HAAO: variants seen among roughly 807,000 people sequenced by gnomAD.
HAAO encodes 3-hydroxyanthranilate oxygenase.
Under a neutral mutation model 46.2 loss-of-function variants are expected in HAAO, and 49 were observed. That is an observed-to-expected ratio of 1.06 (90% CI 0.84 to 1.34). The LOEUF is 1.34. HAAO is among the 40% of genes most tolerant of loss of function. The pLI, the probability that HAAO is intolerant of heterozygous loss-of-function variation, is 0.00. For synonymous variants in HAAO, 157 were observed against 145.2 expected, an observed-to-expected ratio of 1.08 and a Z score of -0.58; for missense variants, 408 against 364.5, an observed-to-expected ratio of 1.12 and a Z score of -0.97.
Position 42,790,550 on chromosome 2 carries a change from T to TCCC in HAAO, c.80+1906_80+1907insGGG, listed in dbSNP as rs879728283. Among the ~76,000 whole-genome samples the TCCC allele has an allele frequency of 2.3e-3, 337 of 148,682 alleles. 2 individuals are homozygous for TCCC. Among genetic ancestry groups the TCCC allele is most frequent in the African/African-American group, 7.8e-3 (316 of 40,350 alleles). ...AAAGTTTGTTTTTTTTTTTTTTTTTTCAGATAGAGTCTTGCTTGCCACCCA... is the reference window on the plus strand; with the variant it reads ...AAAGTTTGTTTTTTTTTTTTTTTTTTCCCCAGATAGAGTCTTGCTTGCCACCCA... On this transcript the variant is annotated intron_variant, in intron 1 of 9. Transcript: ENST00000294973.
intron 4 of HAAO, among the ~76,000 whole-genome samples, chr2:42,778,068 C>G (rs1434606288): frequency 1.3e-5 from 2 of 151,702 alleles, no homozygotes; most frequent in African/African-American, 4.8e-5. Context: ...TCAGGACAAA[C>G]CAGAAAGTCT....
In HAAO at chr2:42,767,143, T is replaced by A; in HGVS notation, c.*294A>T. On this transcript the variant is annotated 3_prime_UTR_variant, in exon 10 of 10. Transcript: ENST00000294973. ...CCTTCTTGGTGTGGAAGTGCTGCAC[T>A]GAGTCTGCAGGGACAGAGGAATGGG... is the stretch of plus-strand genomic sequence containing the variant. 1 of 531,530 alleles carries A rather than the reference T, an allele frequency of 1.9e-6. No homozygotes were observed. The highest frequency in any genetic ancestry group is 3.4e-6 in the Non-Finnish European group (1 of 292,030). 32.9% of individuals were successfully genotyped at this position (531,530 alleles called of 1,614,324 possible).
At chr2:42,790,135 G>C (rs1672680079) in intron 1 of HAAO, among the ~76,000 whole-genome samples, 1 of 152,124 alleles carries the variant, frequency 6.6e-6, no homozygotes, top group Admixed American at 6.5e-5. Context: ...CTGTCCTGTG[G>C]GCTGCTTTCC....
intron 4 of HAAO, among the ~76,000 whole-genome samples, chr2:42,775,160 T>C (rs1671445421): frequency 6.7e-6 from 1 of 150,226 alleles, no homozygotes; most frequent in African/African-American, 2.5e-5. Flanking sequence ...GGCAGGAGAA[T>C]TGCTTGAACC....
At chr2:42,782,081 A>T (rs1471727754) in intron 4 of HAAO, among the ~76,000 whole-genome samples, 1 of 152,160 alleles carries the variant, frequency 6.6e-6, no homozygotes, top group African/African-American at 2.4e-5. Flanking sequence ...TGTGATTTGG[A>T]CTGAATTCTA....
chr2:42,779,109 A>T (rs931539522), intron 4 of HAAO, among the ~76,000 whole-genome samples: 2 of 152,208 alleles, frequency 1.3e-5, no homozygotes, highest in Admixed American at 6.5e-5. Flanking sequence ...GCAAAATTCC[A>T]TCTCAAATAA....
intron 4 of HAAO, among the ~76,000 whole-genome samples, chr2:42,771,995 A>C (rs1671163149): frequency 1.3e-5 from 2 of 152,248 alleles, no homozygotes; most frequent in Admixed American, 6.5e-5. Flanking sequence ...AAAAGCAGCC[A>C]GATGAAATGT....
chr2:42,769,753 C>A lies in HAAO; in HGVS notation c.590G>T (p.Gly197Val). ...LDSHHRELQAGTPLSLFGDTY... is the reference protein window; with the variant it reads ...LDSHHRELQAVTPLSLFGDTY... ...GTCCCCAAACAGGCTGAGTGGTGTG[C>A]CTGCCTGCAGCTCCCTGTGGTGGCT... Residue 197 changes from glycine to valine, a missense_variant, in exon 7 of 10, where the codon GGC becomes GTC. Coordinates refer to ENST00000294973, the MANE Select transcript of HAAO (RefSeq NM_012205.3). 6.2e-7 allele frequency: 1 copy of A among 1,613,794 alleles called. No individual in the cohort carries two copies. The highest frequency in any genetic ancestry group is 1.1e-5 in the South Asian group (1 of 91,010).
chr2:42,769,874 GA>G lies in HAAO; in HGVS notation c.485-17del. 6.3e-7 allele frequency: 1 copy of G among 1,596,564 alleles called. No individual in the cohort carries two copies. The highest frequency in any genetic ancestry group is 8.5e-7 in the Non-Finnish European group (1 of 1,171,464). On this transcript the variant is annotated splice_polypyrimidine_tract_variant and intron_variant, in intron 6 of 9. Transcript: ENST00000294973. The stretch of plus-strand genomic sequence containing the variant: ...AGCAGCTGGTCTGCACCCACAGCAT[GA>G]CTATAGTCGGTGTCCTCAGGACCCA...
In HAAO at chr2:42,767,912, T is replaced by G. The variant is rs1670791596; in HGVS notation, c.647A>C (p.Gln216Pro). ...TYETQVIAYG[Q>P]GSSEGLRQNV... The stretch of plus-strand genomic sequence containing the variant: ...CTGTCTCAGGCCTTCGCTGCTGCCT[T>G]GCCCATAGGCGATCACCTGGTGGGA... Residue 216 changes from glutamine to proline, a missense_variant, in exon 8 of 10, where the codon CAA becomes CCA. By Grantham distance (76) the Gln-to-Pro change is moderately conservative. Coordinates refer to ENST00000294973, the MANE Select transcript of HAAO (RefSeq NM_012205.3). 2 of 1,613,910 alleles carry G rather than the reference T, an allele frequency of 1.2e-6. No individual in the cohort carries two copies. The highest frequency in any genetic ancestry group is 1.7e-6 in the Non-Finnish European group (2 of 1,179,782).
At chr2:42,783,554 TCTC>T in intron 3 of HAAO, 134 bp from the exon 4 acceptor site, 1 of 683,960 alleles carries the variant, frequency 1.5e-6, no homozygotes, top group Non-Finnish European at 2.6e-6. Flanking sequence ...TGGGCCCTCT[TCTC>T]TGCCCAGCCT....
chr2:42,783,578 G>T (rs1225931632), intron 3 of HAAO, among the ~76,000 whole-genome samples, 158 bp from the exon 4 acceptor site: 4 of 152,160 alleles, frequency 2.6e-5, no homozygotes, highest in African/African-American at 9.6e-5. Context: ...CTACACCAGG[G>T]AACCAGAGGG....
chr2:42,790,947 A>T (rs13026205), intron 1 of HAAO, among the ~76,000 whole-genome samples: 13 of 152,208 alleles, frequency 8.5e-5, no homozygotes, highest in South Asian at 2.1e-4. Context: ...TGCATAAACC[A>T]GACCTGCCCC....
intron 4 of HAAO, among the ~76,000 whole-genome samples, chr2:42,773,485 C>T (rs1465718639): frequency 6.6e-6 from 1 of 152,134 alleles, no homozygotes; most frequent in Non-Finnish European, 1.5e-5. Flanking sequence ...TCTCACCCCT[C>T]CCAGAAGACC....
At chr2:42,787,992 G>A (rs1238030384) in intron 2 of HAAO, among the ~76,000 whole-genome samples, 1 of 151,902 alleles carries the variant, frequency 6.6e-6, no homozygotes, top group Non-Finnish European at 1.5e-5. Context: ...GTTAAGGAAG[G>A]GCCACCCTGC....
chr2:42,784,047 C>T (rs185833256), intron 2 of HAAO, 180 bp from the exon 3 acceptor site: 23 of 695,960 alleles, frequency 3.3e-5, no homozygotes, highest in African/African-American at 2.3e-4. Context: ...CATGGAGTGC[C>T]GGGGACACAT....
chr2:42,783,104 C>A (rs1672132356), intron 4 of HAAO: 3 of 582,080 alleles, frequency 5.2e-6, no homozygotes, highest in East Asian at 5.7e-5. Flanking sequence ...TCCAGGGGGT[C>A]ACAGAGAACA....
chr2:42,770,429 G>T, intron 5 of HAAO, 64 bp downstream of exon 5: 1 of 1,188,102 alleles, frequency 8.4e-7, no homozygotes, highest in Non-Finnish European at 1.2e-6. Context: ...CTTTCTCCCA[G>T]GGCATCAGGT....
chr2:42,791,559 G>C (rs1017180762), intron 1 of HAAO, among the ~76,000 whole-genome samples: 1 of 152,188 alleles, frequency 6.6e-6, no homozygotes, highest in African/African-American at 2.4e-5. Context: ...TGAGTCTGGA[G>C]CCTATCGCAC....
Sources: allele counts gnomAD v4.1 joint callset (sites outside exome capture counted in the v4.1 genomes callset), GRCh38; gene constraint gnomAD v4.1.1; transcripts MANE v1.5; gene names NCBI Gene and HGNC (gene_info 2026-07-23, HGNC 2026-07-21).